The following SLC5A1 variants were observed in gnomAD, a reference collection of about 807,000 sequenced individuals.
SLC5A1 encodes solute carrier family 5 member 1.
SLC5A1 carries 42 observed loss-of-function variants against 73.5 expected under a neutral mutation model. That is an observed-to-expected ratio of 0.57 (90% confidence interval 0.45 to 0.74). SLC5A1 has a LOEUF of 0.74. SLC5A1 is among the 30% of genes least tolerant of loss of function. The probability of loss-of-function intolerance (pLI) is 0.00; values close to 1 mark genes in which losing one functional copy is unlikely to be tolerated. For missense variants in SLC5A1, 634 were observed against 855.4 expected (o/e 0.74, Z 3.23); for synonymous variants, 300 against 317.4 (o/e 0.95, Z 0.58).
At chr22:32,059,391 G>C (rs1298341925) in intron 2 of SLC5A1, 1 of 962,222 alleles carries the variant, frequency 1.0e-6, no homozygotes, top group Non-Finnish European at 1.2e-6. Flanking sequence ...TGTCAGTGGA[G>C]AGGTGGGACT....
intron 2 of SLC5A1, among the ~76,000 whole-genome samples, chr22:32,057,460 C>T (rs573168862): frequency 2.8e-4 from 42 of 152,170 alleles, no homozygotes; most frequent in African/African-American, 9.2e-4. Flanking sequence ...GAGATGGGGT[C>T]TCACTATGTT....
chr22:32,101,691 T>G (rs2094036541), intron 12 of SLC5A1, among the ~76,000 whole-genome samples: 1 of 152,188 alleles, frequency 6.6e-6, no homozygotes, highest in Admixed American at 6.5e-5. Context: ...ATTTTTCAAG[T>G]TAAAGGGAAT....
At chr22:32,080,094 C>T (rs2093997190) in intron 5 of SLC5A1, among the ~76,000 whole-genome samples, 1 of 152,112 alleles carries the variant, frequency 6.6e-6, no homozygotes, top group Admixed American at 6.5e-5. Flanking sequence ...GTTTGCAGGC[C>T]TAGAGTGGCG....
intron 5 of SLC5A1, 64 bp from the exon 6 acceptor site, chr22:32,081,802 G>A: frequency 1.0e-6 from 1 of 965,722 alleles, no homozygotes; most frequent in Non-Finnish European, 1.7e-6. Flanking sequence ...GGAGTAGAGA[G>A]ACTACAGGCC....
chr22:32,081,945 C>A lies in SLC5A1; in HGVS notation c.557C>A (p.Ala186Glu), dbSNP rs200068338. The part of the protein sequence containing the change: ...NLYLAIFLLL[A>E]ITALYTITGG... ...TATTTAGCCATCTTTCTCTTATTGG[C>A]AATCACTGCCCTTTACACAATTACA... is the stretch of plus-strand genomic sequence containing the variant. Residue 186 changes from alanine (A) to glutamate (E), a missense_variant, in exon 6 of 15, where the codon GCA becomes GAA. By Grantham distance (107) the Ala-to-Glu change is moderately radical (BLOSUM62 -1). Around this residue, in one of 3 missense-constraint regions of SLC5A1, gnomAD observed 422 missense variants for 626.1 expected, o/e 0.67. Transcript: ENST00000266088. The A allele has an allele frequency of 6.2e-7, 1 of 1,612,066 alleles. No homozygotes were observed. Among genetic ancestry groups the A allele is most frequent in the Non-Finnish European group, 8.5e-7 (1 of 1,178,182 alleles).
chr22:32,108,899 G>T (rs1458193782), intron 14 of SLC5A1, among the ~76,000 whole-genome samples: 1 of 152,080 alleles, frequency 6.6e-6, no homozygotes, highest in Admixed American at 6.6e-5. Context: ...TGTGATGCTG[G>T]CCATGGTGAC....
chr22:32,092,143 T>C (rs1022265631), intron 11 of SLC5A1, among the ~76,000 whole-genome samples: 1 of 152,120 alleles, frequency 6.6e-6, no homozygotes, highest in African/African-American at 2.4e-5. Context: ...GTATCATTCT[T>C]ATGCCTTTGC....
chr22:32,073,248 A>G (rs1342656006), intron 5 of SLC5A1, among the ~76,000 whole-genome samples: 2 of 151,986 alleles, frequency 1.3e-5, no homozygotes, highest in East Asian at 1.9e-4. Flanking sequence ...GCCCAACTTC[A>G]TTCTTTCGCA....
intron 1 of SLC5A1, among the ~76,000 whole-genome samples, chr22:32,047,148 A>G (rs1200707798): frequency 2.6e-5 from 4 of 152,044 alleles, no homozygotes; most frequent in Non-Finnish European, 5.9e-5. Context: ...GGGGAGTGTC[A>G]AGTAGGGTTT....
chr22:32,080,170 C>T (rs987836426), intron 5 of SLC5A1, among the ~76,000 whole-genome samples: 7 of 152,166 alleles, frequency 4.6e-5, no homozygotes, highest in Non-Finnish European at 8.8e-5. Flanking sequence ...TTCTTTCTAA[C>T]TCACCATCTC....
chr22:32,098,645 G>A (rs1444070890), intron 11 of SLC5A1, among the ~76,000 whole-genome samples: 1 of 152,070 alleles, frequency 6.6e-6, no homozygotes, highest in South Asian at 2.1e-4. Flanking sequence ...TAATTCATAG[G>A]CATGAATGAC....
intron 10 of SLC5A1, among the ~76,000 whole-genome samples, chr22:32,089,056 G>A (rs1033648028): frequency 2.0e-5 from 3 of 152,188 alleles, no homozygotes; most frequent in African/African-American, 7.2e-5. Context: ...AAATGAATGG[G>A]GTCTGATAAG....
At chr22:32,102,371 A>G in intron 13 of SLC5A1, 134 bp downstream of exon 13, 3 of 713,966 alleles carry the variant, frequency 4.2e-6, no homozygotes, top group Non-Finnish European at 2.5e-6. Flanking sequence ...ATGTTTTGAT[A>G]CAGGCATACA....
rs758927395 is a variant in SLC5A1 at position 32,068,034 on chromosome 22, T to TTAAGG, written c.372+8_372+9insTAAGG. 4.4e-5 allele frequency: 71 copies of TTAAGG among 1,613,388 alleles called. No individual in the cohort carries two copies. The highest frequency in any genetic ancestry group is 5.5e-5 in the Non-Finnish European group (65 of 1,179,292). On this transcript the variant is annotated intron_variant, in intron 4 of 14. Coordinates refer to ENST00000266088, the MANE Select transcript of SLC5A1 (RefSeq NM_000343.4). ...ATCTATATTAAGGCTGGGGTAAGTA[T>TTAAGG]CTGCTCTGTTATTTCATTTCCTGCT...
chr22:32,091,803 C>A (rs1323938371), intron 11 of SLC5A1, 41 bp downstream of exon 11: 10 of 1,607,306 alleles, frequency 6.2e-6, no homozygotes, highest in Non-Finnish European at 7.7e-6. Flanking sequence ...CTTGAATGAT[C>A]AGAGAGGTTC....
At chr22:32,080,438 C>T (rs183876435) in intron 5 of SLC5A1, among the ~76,000 whole-genome samples, 82 of 152,228 alleles carry the variant, frequency 5.4e-4, no homozygotes, top group Non-Finnish European at 9.1e-4. Context: ...ATAGGAGGGA[C>T]AGGCAGGTAT....
intron 7 of SLC5A1, among the ~76,000 whole-genome samples, chr22:32,083,946 CCT>C (rs1039078152): frequency 1.3e-5 from 2 of 152,166 alleles, no homozygotes; most frequent in African/African-American, 4.8e-5. Context: ...GTTCTGGATT[CCT>C]CACCCATTCC....
intron 2 of SLC5A1, among the ~76,000 whole-genome samples, chr22:32,065,047 G>T (rs2093970450): frequency 6.6e-6 from 1 of 152,058 alleles, no homozygotes. Context: ...GGGCTCAATT[G>T]ATCCTCCCTC....
chr22:32,074,438 G>A (rs1221099011), intron 5 of SLC5A1, among the ~76,000 whole-genome samples: 2 of 152,118 alleles, frequency 1.3e-5, no homozygotes, highest in African/African-American at 2.4e-5. Context: ...TATGTGTTGT[G>A]TGCTGCTCCC....
Sources: gnomAD v4.1 joint callset for allele counts (sites outside exome capture counted in the v4.1 genomes callset) on GRCh38, gnomAD v4.1.1 for gene constraint, gnomAD v4.1.1 regional missense constraint, MANE v1.5 for transcripts, NCBI Gene and HGNC (gene_info 2026-07-23, HGNC 2026-07-21) for gene names.